KDM4C: variants seen among roughly 807,000 people sequenced by gnomAD.
KDM4C encodes lysine-specific demethylase 4C.
A neutral mutation model predicts 129.3 loss-of-function variants in KDM4C; 81 were observed. That is an observed-to-expected ratio of 0.63 (90% CI 0.52 to 0.75). The LOEUF (loss-of-function observed/expected upper bound fraction) is 0.75. KDM4C is among the 30% of genes least tolerant of loss of function. The pLI, the probability that KDM4C is intolerant of heterozygous loss-of-function variation, is 0.00. For synonymous variants in KDM4C, 573 were observed against 456.1 expected, an observed-to-expected ratio of 1.26 and a Z score of -3.26; for missense variants, 1,457 against 1,304.0, an observed-to-expected ratio of 1.12 and a Z score of -1.81.
intron 3 of KDM4C, among the ~76,000 whole-genome samples, chr9:6,808,950 A>G (rs1830644961): frequency 6.6e-6 from 1 of 152,014 alleles, no homozygotes; most frequent in Non-Finnish European, 1.5e-5. Context: ...AACAAAATAA[A>G]AAAACCTGAA....
At chr9:6,814,320 A>G (rs148173348) in intron 3 of KDM4C, among the ~76,000 whole-genome samples, 4 of 152,060 alleles carry the variant, frequency 2.6e-5, no homozygotes, top group East Asian at 3.8e-4. Flanking sequence ...AGCATAGTAT[A>G]GTTGATTAAA....
intron 8 of KDM4C, among the ~76,000 whole-genome samples, chr9:6,919,549 A>ATCTG (rs1266017062): frequency 4.2e-5 from 3 of 71,280 alleles, no homozygotes; most frequent in Non-Finnish European, 6.5e-5. Flanking sequence ...CTGTCTGTCT[A>ATCTG]TCTATCTATC....
At chr9:6,900,933 G>C (rs1051627262) in intron 8 of KDM4C, among the ~76,000 whole-genome samples, 1 of 151,626 alleles carries the variant, frequency 6.6e-6, no homozygotes, top group Non-Finnish European at 1.5e-5. Context: ...ATTATCAGGG[G>C]CCAAATTTTA....
intron 8 of KDM4C, among the ~76,000 whole-genome samples, chr9:6,938,534 C>G (rs1825236003): frequency 6.6e-6 from 1 of 152,174 alleles, no homozygotes; most frequent in East Asian, 1.9e-4. Flanking sequence ...TGGGAACAAT[C>G]TTCTAAGCTC....
intron 4 of KDM4C, among the ~76,000 whole-genome samples, chr9:6,845,909 T>C (rs774317527): frequency 6.6e-6 from 1 of 152,216 alleles, no homozygotes; most frequent in Non-Finnish European, 1.5e-5. Flanking sequence ...TGCTGAAACC[T>C]GATGGAATTA....
chr9:7,007,053 G>T (rs1340218837), intron 12 of KDM4C, among the ~76,000 whole-genome samples: 1 of 152,232 alleles, frequency 6.6e-6, no homozygotes, highest in African/African-American at 2.4e-5. Context: ...ATTGATCCAA[G>T]TTAGTATCTG....
chr9:7,029,775 T>A (rs1320733929), intron 15 of KDM4C, among the ~76,000 whole-genome samples: 1 of 152,144 alleles, frequency 6.6e-6, no homozygotes, highest in Non-Finnish European at 1.5e-5. Flanking sequence ...GAACTGCATG[T>A]GAAGATTGAT....
At chr9:6,948,455 C>G (rs1269213027) in intron 8 of KDM4C, among the ~76,000 whole-genome samples, 1 of 140,646 alleles carries the variant, frequency 7.1e-6, no homozygotes, top group African/African-American at 3.1e-5. Flanking sequence ...TGACACTTTC[C>G]TCATTTTTTT....
intron 11 of KDM4C, chr9:6,986,882 G>C (rs557053143): frequency 1.3e-5 from 6 of 455,582 alleles, no homozygotes; most frequent in Non-Finnish European, 1.9e-5. Flanking sequence ...TTATGGCCAC[G>C]TGTCGATGCT....
intron 7 of KDM4C, 82 bp from the exon 8 acceptor site, chr9:6,893,013 T>A: frequency 8.9e-7 from 1 of 1,128,052 alleles, no homozygotes; most frequent in African/African-American, 1.6e-5. Flanking sequence ...TCTTTGTTTT[T>A]TAATGGGAAA....
intron 5 of KDM4C, among the ~76,000 whole-genome samples, chr9:6,852,451 AT>A (rs2130194100): frequency 6.6e-6 from 1 of 152,296 alleles, no homozygotes; most frequent in South Asian, 2.1e-4. Context: ...AGTCATTCTG[AT>A]TCTGTGACTC....
intron 4 of KDM4C, among the ~76,000 whole-genome samples, chr9:6,831,571 G>C (rs986057290): frequency 4.6e-5 from 7 of 152,072 alleles, no homozygotes; most frequent in Admixed American, 2.6e-4. Flanking sequence ...TCGAACTGCT[G>C]ACCTCAGGTA....
At chr9:6,826,283 C>T (rs1212855433) in intron 4 of KDM4C, among the ~76,000 whole-genome samples, 4 of 151,612 alleles carry the variant, frequency 2.6e-5, no homozygotes, top group African/African-American at 9.7e-5. Context: ...TAAATTACAC[C>T]ACTTTAAGGT....
chr9:7,112,730 A>G (rs572452449), intron 18 of KDM4C, among the ~76,000 whole-genome samples: 3 of 152,184 alleles, frequency 2.0e-5, no homozygotes, highest in Admixed American at 1.3e-4. Flanking sequence ...TCTGGAGCTC[A>G]CTTCCATGGC....
At chr9:6,983,840 CTCATT>C (rs1817207140) in intron 9 of KDM4C, among the ~76,000 whole-genome samples, 1 of 151,746 alleles carries the variant, frequency 6.6e-6, no homozygotes, top group African/African-American at 2.4e-5. Flanking sequence ...TTATTTCTGT[CTCATT>C]TCAACATTTT....
At position 6,759,059 on chromosome 9, in the gene KDM4C, G is replaced by T. The variant is rs565371111; in HGVS notation, c.-18+856G>T. Among the ~76,000 whole-genome samples the T allele has an allele frequency of 3.9e-5, 6 of 152,292 alleles. No individual in the cohort carries two copies. In the South Asian group the frequency reaches 1.2e-3, roughly 32 times the overall value. ...TGATTGTGGGCAATACTACCGGGAG[G>T]GGTTTTGTCAGGTTCCTTCTTCCGG... is the stretch of plus-strand genomic sequence containing the variant. On this transcript the variant is annotated intron_variant, in intron 1 of 21. Transcript: ENST00000381309.
At chr9:7,030,424 G>T (rs1046416992) in intron 15 of KDM4C, among the ~76,000 whole-genome samples, 1 of 152,104 alleles carries the variant, frequency 6.6e-6, no homozygotes, top group Admixed American at 6.5e-5. Context: ...CCCATAGAAT[G>T]TACAACACCA....
chr9:7,042,491 C>G (rs988898334), intron 15 of KDM4C, among the ~76,000 whole-genome samples: 3 of 152,020 alleles, frequency 2.0e-5, no homozygotes, highest in Non-Finnish European at 2.9e-5. Context: ...AATAGGAACA[C>G]AAATTGTTAT....
At chr9:6,897,296 G>C (rs529071890) in intron 8 of KDM4C, among the ~76,000 whole-genome samples, 21 of 152,300 alleles carry the variant, frequency 1.4e-4, no homozygotes, top group African/African-American at 5.1e-4. Context: ...TTTGGTAGCT[G>C]CTTAGTTTGA....
Sources: allele counts gnomAD v4.1 joint callset (sites outside exome capture counted in the v4.1 genomes callset), GRCh38; gene constraint gnomAD v4.1.1; transcripts MANE v1.5; gene names NCBI Gene and HGNC (gene_info 2026-07-23, HGNC 2026-07-21).